OR5A2: variants seen among roughly 807,000 people sequenced by gnomAD.
OR5A2 encodes olfactory receptor family 5 subfamily A member 2, also known as olfactory receptor 5A2.
For missense variants in OR5A2, 406 were observed against 398.9 expected (o/e 1.02, Z -0.15); for synonymous variants, 155 against 151.1 (o/e 1.03, Z -0.19).
Position 59,418,539 on chromosome 11 carries a change from T to C in OR5A2, c.*3440A>G, listed in dbSNP as rs1405716505. 6.6e-6 allele frequency: 1 copy of C among 152,126 alleles called. No homozygotes were observed. The highest frequency in any genetic ancestry group is 2.4e-5 in the African/African-American group (1 of 41,434). The allele number at this position is 152,126 out of a possible 1,614,324, so 9.4% of individuals were successfully genotyped here. A position where few individuals can be genotyped will look rare whatever the true frequency, so the allele number is the denominator to read the frequency against. ...TTCACCTCCTCCTCCTTCAAATGGC[T>C]ATAAAATGCCTGATTCCTTAAGGGC... On this transcript the variant is annotated 3_prime_UTR_variant, in exon 2 of 2. Coordinates refer to ENST00000302040, the MANE Select transcript of OR5A2 (RefSeq NM_001001954.2).
rs1858217408 is a variant in OR5A2 at position 59,421,273 on chromosome 11, A to T, written c.*706T>A. 6.6e-6 allele frequency: 1 copy of T among 152,162 alleles called. No individual in the cohort carries two copies. The allele number at this position is 152,162 out of a possible 1,614,324, so 9.4% of individuals were successfully genotyped here. On this transcript the variant is annotated 3_prime_UTR_variant, in exon 2 of 2. Transcript: ENST00000302040. ...GTGCTACACACTTTTAAATGACCAG[A>T]TCTCACAAGAACTCACTATCATGAA...
chr11:59,424,744 A>G (rs1858274212), intron 1 of OR5A2: 3 of 152,200 alleles, frequency 2.0e-5, no homozygotes, highest in Admixed American at 2.0e-4. Flanking sequence ...TTTGCACCCA[A>G]TGGTAACTGT....
chr11:59,421,765 G>T lies in OR5A2; in HGVS notation c.*214C>A. Reference sequence around the variant, plus strand: ...TTGTCATGATGAAGTTTTCTGCTAGGCAGAGCATTTAAAATCTCAAACTAT... The same window carrying T: ...TTGTCATGATGAAGTTTTCTGCTAGTCAGAGCATTTAAAATCTCAAACTAT... On this transcript the variant is annotated 3_prime_UTR_variant, in exon 2 of 2. Coordinates refer to ENST00000302040, the MANE Select transcript of OR5A2 (RefSeq NM_001001954.2). 1 of 482,196 alleles carries T rather than the reference G, an allele frequency of 2.1e-6. No homozygotes were observed. The highest frequency in any genetic ancestry group is 4.4e-5 in the South Asian group (1 of 22,558). 29.9% of individuals were successfully genotyped at this position (482,196 alleles called of 1,614,324 possible). A position where few individuals can be genotyped will look rare whatever the true frequency, so the allele number is the denominator to read the frequency against.
chr11:59,423,314 G>C (rs1858255676), intron 1 of OR5A2: 1 of 201,624 alleles, frequency 5.0e-6, no homozygotes, highest in Non-Finnish European at 1.0e-5. Flanking sequence ...TGGGAAAGGA[G>C]AGGGTTGAAT....
Position 59,422,629 on chromosome 11 carries a change from C to T in OR5A2, c.325G>A (p.Gly109Arg). The T allele has an allele frequency of 6.2e-7, 1 of 1,614,126 alleles. No individual in the cohort carries two copies. Among genetic ancestry groups the T allele is most frequent in the Non-Finnish European group, 8.5e-7 (1 of 1,180,018 alleles). Residue 109 changes from glycine (G) to arginine (R), a missense_variant, in exon 2 of 2, where the codon GGG (glycine) becomes AGG (arginine). Physicochemically the swap from Gly to Arg is moderately radical, Grantham distance 125. Coordinates refer to ENST00000302040, the MANE Select transcript of OR5A2 (RefSeq NM_001001954.2). ...ATQYFVFCGM[G>R]LTECFLLAAM... ...GCCAGGAGAAAGCATTCAGTCAGCC[C>T]CATCCCACAGAAGACAAAGTACTGA...
rs1858186653 is a variant in OR5A2 at position 59,418,716 on chromosome 11, A to C, written c.*3263T>G. The C allele has an allele frequency of 6.6e-6, 1 of 152,270 alleles. No homozygotes were observed. The highest frequency in any genetic ancestry group is 2.4e-5 in the African/African-American group (1 of 41,586). The allele number at this position is 152,270 out of a possible 1,614,324, so 9.4% of individuals were successfully genotyped here. On this transcript the variant is annotated 3_prime_UTR_variant, in exon 2 of 2. Coordinates refer to ENST00000302040, the MANE Select transcript of OR5A2 (RefSeq NM_001001954.2). ...TTATGTATTACAATTAATGCATATT[A>C]ATTCTATTAATAAGACTTACATTCT...
In OR5A2 at chr11:59,417,812, C is replaced by T. The variant is rs1253113226; in HGVS notation, c.*4167G>A. ...AAAAATGTTAAGCATCTCATCAGAG[C>T]TCCTTTAATGCATCACTCATTAATT... On this transcript the variant is annotated 3_prime_UTR_variant, in exon 2 of 2. Transcript: ENST00000302040. 6.6e-6 allele frequency: 1 copy of T among 151,986 alleles called. No individual in the cohort carries two copies. Among genetic ancestry groups the T allele is most frequent in the African/African-American group, 2.4e-5 (1 of 41,384 alleles). The allele number at this position is 151,986 out of a possible 1,614,324, so 9.4% of individuals were successfully genotyped here.
Position 59,422,489 on chromosome 11 carries a change from A to G in OR5A2, c.465T>C (p.Leu155=), listed in dbSNP as rs1858239987. 1 of 1,614,206 alleles carries G rather than the reference A, an allele frequency of 6.2e-7. No homozygotes were observed. Residue 155 remains leucine, a synonymous_variant, in exon 2 of 2, where the codon CTT becomes CTC. Transcript: ENST00000302040. ...CAGAGTATGTTTCAATGAAAGAACT[A>G]AGGAATCCACCCACATAGGCGCCAA... ...MVVGAYVGGF[L]SSFIETYSVY...
rs749103414 is a variant in OR5A2 at position 59,422,620 on chromosome 11, C to G, written c.334G>C (p.Glu112Gln). 1 of 1,614,162 alleles carries G rather than the reference C, an allele frequency of 6.2e-7. No homozygotes were observed. The highest frequency in any genetic ancestry group is 1.7e-5 in the Admixed American group (1 of 60,030). ...GCCATAGCTGCCAGGAGAAAGCATT[C>G]AGTCAGCCCCATCCCACAGAAGACA... ...YFVFCGMGLTECFLLAAMAYD... is the reference protein window; with the variant it reads ...YFVFCGMGLTQCFLLAAMAYD... The change falls in exon 2 of 2, where the codon GAA becomes CAA. Residue 112 changes from glutamate (E) to glutamine (Q), a missense_variant. Transcript: ENST00000302040.
rs1858239953 is a variant in OR5A2, at chr11:59,422,488, T to G, written c.466A>C (p.Ser156Arg). ...VVGAYVGGFL[S>R]SFIETYSVYQ... ...ACAGAGTATGTTTCAATGAAAGAAC[T>G]AAGGAATCCACCCACATAGGCGCCA... Residue 156 changes from serine (S) to arginine (R), a missense_variant, in exon 2 of 2, where the codon AGT becomes CGT. By Grantham distance (110) the Ser-to-Arg change is moderately radical. Transcript: ENST00000302040. 6.2e-7 allele frequency: 1 copy of G among 1,613,752 alleles called. No individual in the cohort carries two copies. The highest frequency in any genetic ancestry group is 8.5e-7 in the Non-Finnish European group (1 of 1,179,750).
chr11:59,424,441 G>A (rs1033406125), intron 1 of OR5A2: 5 of 152,040 alleles, frequency 3.3e-5, no homozygotes, highest in Non-Finnish European at 7.3e-5. Context: ...ACAAAACTTA[G>A]CAGGGTGTGG....
At position 59,421,820 on chromosome 11, in the gene OR5A2, G is replaced by C; in HGVS notation, c.*159C>G. ...TGCTATTCATTTTACAAGCAACAAT[G>C]GCCAAAATGTTTTCTAATAGCCAAC... On this transcript the variant is annotated 3_prime_UTR_variant, in exon 2 of 2. Transcript: ENST00000302040. The C allele has an allele frequency of 1.3e-6, 1 of 757,014 alleles. No individual in the cohort carries two copies. Among genetic ancestry groups the C allele is most frequent in the Non-Finnish European group, 2.1e-6 (1 of 475,840 alleles). The allele number at this position is 757,014 out of a possible 1,614,324, so 46.9% of individuals were successfully genotyped here.
Position 59,422,377 on chromosome 11 carries a change from T to G in OR5A2, c.577A>C (p.Thr193Pro). 1.2e-6 allele frequency: 2 copies of G among 1,614,042 alleles called. No individual in the cohort carries two copies. The highest frequency in any genetic ancestry group is 1.7e-6 in the Non-Finnish European group (2 of 1,180,006). ...PPVLALSCSD[T>P]FTSEVVTFIV... The stretch of plus-strand genomic sequence containing the variant: ...AAGGTCACCACCTCGCTGGTGAAGG[T>G]ATCAGAGCAGGACAGAGCCAGGACT... Residue 193 changes from threonine (T) to proline (P), a missense_variant, in exon 2 of 2, where the codon ACC becomes CCC. Coordinates refer to ENST00000302040, the MANE Select transcript of OR5A2 (RefSeq NM_001001954.2).
At position 59,419,473 on chromosome 11, in the gene OR5A2, A is replaced by G. The variant is rs1253824818; in HGVS notation, c.*2506T>C. The G allele has an allele frequency of 1.3e-5, 2 of 152,160 alleles. No homozygotes were observed. The highest frequency in any genetic ancestry group is 2.4e-5 in the African/African-American group (1 of 41,444). The allele number at this position is 152,160 out of a possible 1,614,324, so 9.4% of individuals were successfully genotyped here. ...CTCTGTAAAATATTTGAAGAGATTT[A>G]TTCTGAGCCAAATATGAGTAACCAT... is the stretch of plus-strand genomic sequence containing the variant. On this transcript the variant is annotated 3_prime_UTR_variant, in exon 2 of 2. Coordinates refer to ENST00000302040, the MANE Select transcript of OR5A2 (RefSeq NM_001001954.2).
chr11:59,425,174 A>G (rs1395751226), intron 1 of OR5A2: 1 of 152,224 alleles, frequency 6.6e-6, no homozygotes, highest in Non-Finnish European at 1.5e-5. Context: ...CTCCCTGAGC[A>G]TCAGGGATCA....
chr11:59,422,828 C>G lies in OR5A2; in HGVS notation c.126G>C (p.Trp42Cys). The G allele has an allele frequency of 6.2e-7, 1 of 1,614,096 alleles. No homozygotes were observed. Among genetic ancestry groups the G allele is most frequent in the South Asian group, 1.1e-5 (1 of 91,080 alleles). Reference protein sequence around the residue: ...FLGLYLLTLAWNLSLIALIKM... With the variant: ...FLGLYLLTLACNLSLIALIKM... ...TAATGAGGGCAATGAGGCTTAAGTTCCAGGCCAACGTCAGGAGGTAGAGCC... is the reference window on the plus strand; with the variant it reads ...TAATGAGGGCAATGAGGCTTAAGTTGCAGGCCAACGTCAGGAGGTAGAGCC... Residue 42 changes from tryptophan (W) to cysteine (C), a missense_variant, in exon 2 of 2, where the codon TGG becomes TGC. Trp to Cys is a radical substitution (Grantham distance 215). Transcript: ENST00000302040.
intron 1 of OR5A2, chr11:59,425,934 T>A (rs1486947973): frequency 6.6e-6 from 1 of 152,188 alleles, no homozygotes; most frequent in Non-Finnish European, 1.5e-5. Flanking sequence ...TCACAAACAA[T>A]AATCATATAA....
Position 59,421,687 on chromosome 11 carries a change from G to T in OR5A2, c.*292C>A. ...CTAAATGCTGGACTAACATTTTTTC[G>T]ATGACTTTCCTCCTATACATACAAA... On this transcript the variant is annotated 3_prime_UTR_variant, in exon 2 of 2. Coordinates refer to ENST00000302040, the MANE Select transcript of OR5A2 (RefSeq NM_001001954.2). 3.5e-6 allele frequency: 1 copy of T among 282,804 alleles called. No individual in the cohort carries two copies. Among genetic ancestry groups the T allele is most frequent in the Non-Finnish European group, 6.7e-6 (1 of 149,992 alleles). 17.5% of individuals were successfully genotyped at this position (282,804 alleles called of 1,614,324 possible).
rs1858220569 is a variant in OR5A2 at position 59,421,567 on chromosome 11, T to G, written c.*412A>C. 1 of 165,676 alleles carries G rather than the reference T, an allele frequency of 6.0e-6. No homozygotes were observed. Among genetic ancestry groups the G allele is most frequent in the Non-Finnish European group, 1.3e-5 (1 of 75,342 alleles). 10.3% of individuals were successfully genotyped at this position (165,676 alleles called of 1,614,324 possible). A position where few individuals can be genotyped will look rare whatever the true frequency, so the allele number is the denominator to read the frequency against. ...TTTTCATGAGCTCTAAGGAAACCAT[T>G]TGAGAATCTCAGAAGAGGGAAAGGC... On this transcript the variant is annotated 3_prime_UTR_variant, in exon 2 of 2. Transcript: ENST00000302040.
Sources: allele counts gnomAD v4.1 joint callset, GRCh38; gene constraint gnomAD v4.1.1; transcripts MANE v1.5; gene names NCBI Gene and HGNC (gene_info 2026-07-23, HGNC 2026-07-21).